The following NELL1 variants were observed in gnomAD, a reference collection of about 807,000 sequenced individuals.
NELL1 encodes the protein neural EGFL like 1, also known as protein kinase C-binding protein NELL1.
NELL1 carries 76 observed loss-of-function variants against 107.4 expected under a neutral mutation model. The observed-to-expected ratio is 0.71, with a 90% CI of 0.59 to 0.86. The LOEUF is 0.86. Among genes scored for constraint, NELL1 ranks in the 40% least tolerant of loss-of-function variants. The pLI is 0.00. For synonymous variants in NELL1, 353 were observed against 341.2 expected, an observed-to-expected ratio of 1.03 and a Z score of -0.38; for missense variants, 1,024 against 1,005.5, an observed-to-expected ratio of 1.02 and a Z score of -0.25.
In NELL1 at chr11:20,919,341, A is replaced by G; in HGVS notation, c.759+7A>G. ...GGCCAAGATGACTGCAAAAGTAGGT[A>G]TCTAAATTTCATTTGTGATGTTTCA... On this transcript the variant is annotated splice_region_variant and intron_variant, in intron 7 of 19. Coordinates refer to ENST00000357134, the MANE Select transcript of NELL1 (RefSeq NM_006157.5). The G allele has an allele frequency of 6.5e-7, 1 of 1,528,842 alleles. No individual in the cohort carries two copies. Among genetic ancestry groups the G allele is most frequent in the Non-Finnish European group, 9.0e-7 (1 of 1,107,492 alleles). 94.7% of individuals were successfully genotyped at this position (1,528,842 alleles called of 1,614,324 possible). A position where few individuals can be genotyped will look rare whatever the true frequency, so the allele number is the denominator to read the frequency against.
intron 17 of NELL1, among the ~76,000 whole-genome samples, chr11:21,563,863 T>C (rs960578426): frequency 1.3e-4 from 19 of 151,772 alleles, no homozygotes; most frequent in African/African-American, 2.7e-4. Context: ...AGGAATTTAA[T>C]CAAGTAGAGA....
At chr11:21,364,437 A>G in intron 14 of NELL1, among the ~76,000 whole-genome samples, 1 of 140,420 alleles carries the variant, frequency 7.1e-6, no homozygotes, top group Non-Finnish European at 1.6e-5. Flanking sequence ...AAAAAAAAAA[A>G]GACTTCATTC....
chr11:21,489,435 T>C (rs1428473409), intron 15 of NELL1, among the ~76,000 whole-genome samples: 1 of 138,668 alleles, frequency 7.2e-6, no homozygotes, highest in Non-Finnish European at 1.6e-5. Context: ...TCTCCCTAAC[T>C]TGTTATCTGA....
rs558787150 is a variant in NELL1 at position 21,138,066 on chromosome 11, G to A, written c.1426+24352G>A. Among the ~76,000 whole-genome samples the A allele has an allele frequency of 4.6e-5, 7 of 152,266 alleles. No individual in the cohort carries two copies. The East Asian group carries it at 1.4e-3, about 29-fold the overall frequency. ...TTTGGCAAAGGTGTTTTCTGAGGGTGGAGAGAACCTGATGGCATTATTTGT... is the reference window on the plus strand; with the variant it reads ...TTTGGCAAAGGTGTTTTCTGAGGGTAGAGAGAACCTGATGGCATTATTTGT... On this transcript the variant is annotated intron_variant, in intron 13 of 19. Coordinates refer to ENST00000357134, the MANE Select transcript of NELL1 (RefSeq NM_006157.5).
chr11:21,070,606 G>A (rs1488191002), intron 12 of NELL1, among the ~76,000 whole-genome samples: 3 of 152,050 alleles, frequency 2.0e-5, no homozygotes, highest in Non-Finnish European at 4.4e-5. Flanking sequence ...TATTTTCTAG[G>A]TTTGCATCCA....
intron 12 of NELL1, among the ~76,000 whole-genome samples, chr11:21,022,493 A>T (rs1008020073): frequency 1.3e-5 from 2 of 152,134 alleles, no homozygotes; most frequent in African/African-American, 4.8e-5. Context: ...AAACCTTGAA[A>T]ATGGGACTAA....
chr11:21,554,395 T>C (rs945373543), intron 16 of NELL1, among the ~76,000 whole-genome samples: 2 of 151,876 alleles, frequency 1.3e-5, no homozygotes, highest in Admixed American at 1.3e-4. Context: ...TTTCTGGGTA[T>C]GGCTAGCCAA....
At chr11:21,387,765 C>G (rs180751910) in intron 15 of NELL1, among the ~76,000 whole-genome samples, 4 of 151,928 alleles carry the variant, frequency 2.6e-5, no homozygotes, top group Admixed American at 2.0e-4. Context: ...ATACCATCTA[C>G]ACCACATCGA....
rs943409052 is a variant in NELL1 at position 21,365,533 on chromosome 11, C to A, written c.1550-5320C>A. Among the ~76,000 whole-genome samples the A allele has an allele frequency of 1.3e-4, 20 of 152,192 alleles. No homozygotes were observed. In the South Asian group the frequency reaches 4.2e-3, roughly 32 times the overall value. The stretch of plus-strand genomic sequence containing the variant: ...ATAAGTTTTCAACAAACAGAATTTA[C>A]CATTAGTATTGCTGTCATTATTATT... On this transcript the variant is annotated intron_variant, in intron 14 of 19. Coordinates refer to ENST00000357134, the MANE Select transcript of NELL1 (RefSeq NM_006157.5).
intron 11 of NELL1, among the ~76,000 whole-genome samples, chr11:20,953,910 C>A (rs1012455588): frequency 2.0e-5 from 3 of 152,130 alleles, no homozygotes; most frequent in Admixed American, 1.3e-4. Flanking sequence ...AGGATGAATG[C>A]GGACATGTTT....
At chr11:21,002,408 T>G (rs765951378) in intron 12 of NELL1, among the ~76,000 whole-genome samples, 4 of 152,242 alleles carry the variant, frequency 2.6e-5, no homozygotes, top group Non-Finnish European at 4.4e-5. Context: ...TTAGTGGGGT[T>G]GGGCTTGGGT....
chr11:20,845,834 A>T (rs1396781159), intron 3 of NELL1, among the ~76,000 whole-genome samples: 1 of 152,008 alleles, frequency 6.6e-6, no homozygotes, highest in Non-Finnish European at 1.5e-5. Flanking sequence ...CTTCTTCACT[A>T]GTTCACAAAG....
chr11:20,694,682 A>G (rs1854567752), intron 2 of NELL1, among the ~76,000 whole-genome samples: 1 of 152,090 alleles, frequency 6.6e-6, no homozygotes. Context: ...GCCTTATAGT[A>G]TAGTTTGGTA....
At chr11:21,434,605 A>G (rs186233775) in intron 15 of NELL1, among the ~76,000 whole-genome samples, 22 of 152,284 alleles carry the variant, frequency 1.4e-4, no homozygotes, top group African/African-American at 5.1e-4. Context: ...TTTGTAATAT[A>G]CTTTGAAGTC....
intron 14 of NELL1, among the ~76,000 whole-genome samples, chr11:21,312,950 C>T (rs577863704): frequency 1.3e-5 from 2 of 152,112 alleles, no homozygotes; most frequent in East Asian, 1.9e-4. Flanking sequence ...TAGTCTCCCA[C>T]CTGTAATCCC....
intron 12 of NELL1, among the ~76,000 whole-genome samples, chr11:20,967,505 G>A (rs1038796809): frequency 3.3e-5 from 5 of 152,024 alleles, no homozygotes; most frequent in African/African-American, 9.7e-5. Flanking sequence ...TCCCAATTTC[G>A]GGTAAGGGTA....
intron 13 of NELL1, among the ~76,000 whole-genome samples, chr11:21,209,109 G>A (rs1034973844): frequency 6.6e-6 from 1 of 152,004 alleles, no homozygotes; most frequent in Non-Finnish European, 1.5e-5. Flanking sequence ...TTTAGTTATC[G>A]ATTCTGGCAC....
Position 21,334,652 on chromosome 11 carries a change from C to G in NELL1, c.1550-36201C>G, listed in dbSNP as rs958891517. On this transcript the variant is annotated intron_variant, in intron 14 of 19. Coordinates refer to ENST00000357134, the MANE Select transcript of NELL1 (RefSeq NM_006157.5). ...AATATGTATGGAATACATACCCTCACGCCTACAATTTTCTGGTATCTTAAT... is the reference window on the plus strand; with the variant it reads ...AATATGTATGGAATACATACCCTCAGGCCTACAATTTTCTGGTATCTTAAT... Among the ~76,000 whole-genome samples the G allele has an allele frequency of 4.4e-4, 67 of 152,020 alleles. 1 individual carries two copies. The highest frequency in any genetic ancestry group is 1.4e-3 in the African/African-American group (60 of 41,518).
intron 15 of NELL1, among the ~76,000 whole-genome samples, chr11:21,413,259 C>CCAGG (rs1380735412): frequency 2.6e-5 from 4 of 151,886 alleles, no homozygotes; most frequent in Non-Finnish European, 5.9e-5. Flanking sequence ...AAACCATAAC[C>CCAGG]CAGGATGTCA....
Sources: allele counts gnomAD v4.1 joint callset (sites outside exome capture counted in the v4.1 genomes callset), GRCh38; gene constraint gnomAD v4.1.1; transcripts MANE v1.5; gene names NCBI Gene and HGNC (gene_info 2026-07-23, HGNC 2026-07-21).